The following RECQL5 variants were observed in gnomAD, a reference collection of about 807,000 sequenced individuals.
RECQL5 encodes RecQ like helicase 5.
A neutral mutation model predicts 103.4 loss-of-function variants in RECQL5; 88 were observed. The ratio of observed to expected loss-of-function variants is 0.85; its 90% CI spans 0.72 to 1.02. RECQL5 has a LOEUF of 1.02. RECQL5 is among the 50% of genes least tolerant of loss of function. RECQL5 has a pLI of 0.00. For synonymous variants in RECQL5, 552 were observed against 507.9 expected (o/e 1.09, Z -1.17); for missense variants, 1,232 against 1,284.3 (o/e 0.96, Z 0.62).
intron 8 of RECQL5, among the ~76,000 whole-genome samples, chr17:75,646,071 T>C (rs549397902): frequency 1.3e-5 from 2 of 152,334 alleles, no homozygotes; most frequent in Non-Finnish European, 2.9e-5. Flanking sequence ...GGCACAGGCT[T>C]GATCCCCTCT....
chr17:75,653,921 A>AC (rs58651361), intron 7 of RECQL5, among the ~76,000 whole-genome samples: 2 of 151,912 alleles, frequency 1.3e-5, no homozygotes, highest in African/African-American at 4.8e-5. Flanking sequence ...ACAAAACAAA[A>AC]AAAAAACCCC....
At chr17:75,665,890 C>T (rs1369699714) in intron 2 of RECQL5, among the ~76,000 whole-genome samples, 1 of 152,096 alleles carries the variant, frequency 6.6e-6, no homozygotes, top group Non-Finnish European at 1.5e-5. Context: ...CATTTGTCAC[C>T]GTATCTCAGG....
chr17:75,650,818 G>C, intron 8 of RECQL5: 1 of 1,515,974 alleles, frequency 6.6e-7, no homozygotes. Flanking sequence ...TAAGGGTGAG[G>C]ACTACTCAAG....
intron 5 of RECQL5, 94 bp downstream of exon 5, chr17:75,661,511 GT>G: frequency 2.4e-6 from 2 of 821,472 alleles, no homozygotes; most frequent in Non-Finnish European, 4.1e-6. Flanking sequence ...CAATAAGATG[GT>G]GGGTCACCTG....
intron 4 of RECQL5, 92 bp downstream of exon 4, chr17:75,662,387 A>T: frequency 7.2e-7 from 1 of 1,383,070 alleles, no homozygotes; most frequent in South Asian, 1.4e-5. Flanking sequence ...TGAGAAAGCT[A>T]GAAAAACCAA....
chr17:75,634,132 A>C (rs2059274598), intron 8 of RECQL5: 1 of 985,482 alleles, frequency 1.0e-6, no homozygotes, highest in African/African-American at 1.7e-5. Context: ...CCACGAAGGA[A>C]GTACGAGGAC....
chr17:75,641,179 T>C (rs1275657243), intron 8 of RECQL5: 15 of 409,046 alleles, frequency 3.7e-5, no homozygotes, highest in Non-Finnish European at 6.7e-5. Context: ...ACCTGCACTT[T>C]TTAACAAAAC....
chr17:75,630,475 G>A, intron 13 of RECQL5, 144 bp downstream of exon 13: 1 of 959,724 alleles, frequency 1.0e-6, no homozygotes, highest in South Asian at 1.6e-5. Flanking sequence ...TGGCCCTGGT[G>A]GGGTTGTAGG....
chr17:75,635,711 A>G (rs1001829817), intron 8 of RECQL5: 1 of 822,532 alleles, frequency 1.2e-6, no homozygotes, highest in Non-Finnish European at 1.5e-6. Flanking sequence ...CAAACGAGAT[A>G]ATGCCCAACA....
intron 8 of RECQL5, chr17:75,633,474 A>G (rs1394081130): frequency 7.8e-7 from 1 of 1,289,044 alleles, no homozygotes; most frequent in Non-Finnish European, 1.0e-6. Context: ...AAGGAACATG[A>G]GGCGCCTTGC....
Position 75,631,361 on chromosome 17 carries a change from G to A in RECQL5, c.1448+89C>T, listed in dbSNP as rs555728569. 415 of 1,527,918 alleles carry A rather than the reference G, an allele frequency of 2.7e-4. 10 individuals are homozygous for A. In the Admixed American group the frequency reaches 6.4e-3, roughly 24 times the overall value. 94.6% of individuals were successfully genotyped at this position (1,527,918 alleles called of 1,614,324 possible). On this transcript the variant is annotated intron_variant, in intron 9 of 19. Coordinates refer to ENST00000317905, the MANE Select transcript of RECQL5 (RefSeq NM_004259.7). The stretch of plus-strand genomic sequence containing the variant: ...TCCTACCAGCTCAAGGGGGGATTGC[G>A]GCATCGTGCCACCTCTGGTCTGGCC...
chr17:75,630,457 G>A, intron 13 of RECQL5, 162 bp downstream of exon 13: 2 of 893,796 alleles, frequency 2.2e-6, no homozygotes, highest in Non-Finnish European at 1.7e-6. Flanking sequence ...CTAAGTTGTA[G>A]CCATGCCTGG....
intron 7 of RECQL5, 80 bp downstream of exon 7, chr17:75,658,218 C>G: frequency 6.7e-7 from 1 of 1,485,588 alleles, no homozygotes; most frequent in Non-Finnish European, 9.2e-7. Flanking sequence ...ACACAAGCAT[C>G]ATCAGAGTTC....
In RECQL5 at chr17:75,630,379, C is replaced by CAG; in HGVS notation, c.1719-104_1719-103dup. On this transcript the variant is annotated intron_variant, in intron 13 of 19. Coordinates refer to ENST00000317905, the MANE Select transcript of RECQL5 (RefSeq NM_004259.7). Reference sequence around the variant, plus strand: ...GGCCTGGTGGGGTAGGCCTTGGGCACAGGGATTCTGATTAGGGCTCTCTGA... The same window carrying CAG: ...GGCCTGGTGGGGTAGGCCTTGGGCACAGAGGGATTCTGATTAGGGCTCTCTGA... 2.7e-6 allele frequency: 3 copies of CAG among 1,125,756 alleles called. 1 individual carries two copies. In the South Asian group the frequency reaches 4.8e-5, roughly 18 times the overall value. 69.7% of individuals were successfully genotyped at this position (1,125,756 alleles called of 1,614,324 possible). A position where few individuals can be genotyped will look rare whatever the true frequency, so the allele number is the denominator to read the frequency against.
intron 6 of RECQL5, among the ~76,000 whole-genome samples, chr17:75,659,897 G>A (rs1361279517): frequency 1.3e-5 from 2 of 152,206 alleles, no homozygotes; most frequent in Non-Finnish European, 2.9e-5. Flanking sequence ...TTAGTTGCCA[G>A]TGTGGGGCTA....
At chr17:75,662,400 G>A (rs1315063036) in intron 4 of RECQL5, 79 bp downstream of exon 4, 3 of 1,472,394 alleles carry the variant, frequency 2.0e-6, no homozygotes, top group Admixed American at 4.0e-5. Context: ...AAAACCAAAG[G>A]TCTTAGACTA....
At chr17:75,635,675 A>T in intron 8 of RECQL5, 1 of 514,502 alleles carries the variant, frequency 1.9e-6, no homozygotes, top group Non-Finnish European at 2.5e-6. Context: ...CACAAGTGTC[A>T]GTTATGCCTC....
intron 8 of RECQL5, chr17:75,650,735 A>C: frequency 6.2e-7 from 1 of 1,610,780 alleles, no homozygotes; most frequent in South Asian, 1.1e-5. Flanking sequence ...ATGCAGGTAA[A>C]ACAGATGCGT....
chr17:75,656,661 T>C (rs1295302726), intron 7 of RECQL5, among the ~76,000 whole-genome samples: 2 of 152,068 alleles, frequency 1.3e-5, no homozygotes, highest in East Asian at 1.9e-4. Context: ...CTAGGCACAA[T>C]GTGTTGTCAT....
Sources: allele counts gnomAD v4.1 joint callset (sites outside exome capture counted in the v4.1 genomes callset), GRCh38; gene constraint gnomAD v4.1.1; transcripts MANE v1.5; gene names NCBI Gene and HGNC (gene_info 2026-07-23, HGNC 2026-07-21).